Variants in FHIT observed in about 807,000 individuals in gnomAD.
FHIT encodes fragile histidine triad diadenosine triphosphatase, also known as bis(5'-adenosyl)-triphosphatase.
In FHIT, 19 loss-of-function variants were observed where a neutral mutation model predicts 17.9. The ratio of observed to expected loss-of-function variants is 1.06; its 90% CI spans 0.74 to 1.56. The LOEUF (loss-of-function observed/expected upper bound fraction) is 1.56. Among genes scored for constraint, FHIT ranks in the 40% most tolerant of loss-of-function variants. The pLI is 0.00. For synonymous variants in FHIT, 81 were observed against 69.7 expected (o/e 1.16, Z -0.81); for missense variants, 248 against 189.2 (o/e 1.31, Z -1.82).
intron 2 of FHIT, among the ~76,000 whole-genome samples, chr3:61,152,236 GA>G (rs1268458923): frequency 2.6e-5 from 4 of 152,262 alleles, no homozygotes; most frequent in African/African-American, 9.6e-5. Context: ...GATAGAAAAA[GA>G]GGCCAAACCC....
intron 4 of FHIT, among the ~76,000 whole-genome samples, chr3:60,555,962 T>A (rs1428258942): frequency 6.6e-6 from 1 of 152,242 alleles, no homozygotes; most frequent in Non-Finnish European, 1.5e-5. Context: ...CTTTCCTGTG[T>A]GGTCATGCTC....
intron 4 of FHIT, among the ~76,000 whole-genome samples, chr3:60,622,453 G>A (rs72889658): frequency 1.3e-5 from 2 of 152,062 alleles, no homozygotes; most frequent in Non-Finnish European, 2.9e-5. Flanking sequence ...ACTTAAGAGA[G>A]AGAAAGGCAA....
At chr3:60,098,401 T>C (rs1188484653) in intron 5 of FHIT, among the ~76,000 whole-genome samples, 5 of 150,510 alleles carry the variant, frequency 3.3e-5, no homozygotes, top group Non-Finnish European at 5.9e-5. Flanking sequence ...TTTTAATGAT[T>C]GCCATTCTAA....
intron 1 of FHIT, among the ~76,000 whole-genome samples, chr3:61,245,002 C>T (rs1189263185): frequency 7.2e-5 from 11 of 152,212 alleles, no homozygotes; most frequent in African/African-American, 7.2e-5. Flanking sequence ...TTCTCCTCCC[C>T]GACCCCATAA....
intron 5 of FHIT, among the ~76,000 whole-genome samples, chr3:60,311,488 C>T (rs1031284013): frequency 1.3e-5 from 2 of 152,156 alleles, no homozygotes; most frequent in African/African-American, 4.8e-5. Flanking sequence ...TATATGGCTA[C>T]TGTGTTTTTC....
chr3:60,444,695 T>C (rs942770406), intron 5 of FHIT, among the ~76,000 whole-genome samples: 1 of 151,820 alleles, frequency 6.6e-6, no homozygotes, highest in Non-Finnish European at 1.5e-5. Context: ...GGGTCTGTTG[T>C]TGGGTGGGGG....
intron 4 of FHIT, among the ~76,000 whole-genome samples, chr3:60,701,902 AG>A (rs1553702250): frequency 6.6e-6 from 1 of 152,230 alleles, no homozygotes; most frequent in Non-Finnish European, 1.5e-5. Flanking sequence ...GCCTACACCC[AG>A]GAATGAACAA....
intron 7 of FHIT, among the ~76,000 whole-genome samples, chr3:59,999,996 C>A (rs1699665763): frequency 6.6e-6 from 1 of 152,152 alleles, no homozygotes; most frequent in Non-Finnish European, 1.5e-5. Flanking sequence ...TGTCCAGCTT[C>A]TTTCTGTCTC....
chr3:61,213,587 G>C (rs1182031009), intron 1 of FHIT, among the ~76,000 whole-genome samples: 3 of 152,034 alleles, frequency 2.0e-5, no homozygotes, highest in Non-Finnish European at 2.9e-5. Flanking sequence ...GTCAACATTA[G>C]ACAGATCAAC....
intron 5 of FHIT, among the ~76,000 whole-genome samples, chr3:60,138,185 T>C (rs1241898618): frequency 6.6e-6 from 1 of 152,192 alleles, no homozygotes; most frequent in Admixed American, 6.5e-5. Flanking sequence ...ATTCTTAACA[T>C]GACGCAAAGG....
chr3:60,572,070 C>CA (rs113784445), intron 4 of FHIT, among the ~76,000 whole-genome samples: 6,289 of 152,042 alleles, frequency 0.041, 428 homozygotes, highest in African/African-American at 0.14. Context: ...CTTGAAGAAA[C>CA]TTAGAGTCAA....
At chr3:59,975,835 G>A (rs1708384204) in intron 7 of FHIT, among the ~76,000 whole-genome samples, 1 of 151,614 alleles carries the variant, frequency 6.6e-6, no homozygotes. Context: ...AAAGAGTGAG[G>A]TAGGACCTAA....
chr3:60,647,913 T>C (rs2039898892), intron 4 of FHIT, among the ~76,000 whole-genome samples: 1 of 152,180 alleles, frequency 6.6e-6, no homozygotes, highest in South Asian at 2.1e-4. Context: ...GCAAATATTA[T>C]AATCAATGCA....
chr3:60,926,665 A>G (rs1231043257), intron 3 of FHIT, among the ~76,000 whole-genome samples: 1 of 152,118 alleles, frequency 6.6e-6, no homozygotes, highest in Non-Finnish European at 1.5e-5. Context: ...GCAAGAGCAA[A>G]CATTCAAAAG....
At chr3:60,470,058 T>TTCTCTCTCTCTCTCTCTCTCTCTC (rs796525437) in intron 5 of FHIT, among the ~76,000 whole-genome samples, 70 of 143,036 alleles carry the variant, frequency 4.9e-4, no homozygotes, top group African/African-American at 1.6e-3. Flanking sequence ...CTCTCTTTCT[T>TTCTCTCTCTCTCTCTCTCTCTCTC]TCTCTCTCTC....
At chr3:60,916,905 T>A (rs1559826725) in intron 3 of FHIT, among the ~76,000 whole-genome samples, 2 of 152,088 alleles carry the variant, frequency 1.3e-5, no homozygotes, top group Non-Finnish European at 2.9e-5. Context: ...TAGAATCGCA[T>A]AAAAAAATCC....
At chr3:60,296,001 C>T (rs1222685781) in intron 5 of FHIT, among the ~76,000 whole-genome samples, 1 of 152,070 alleles carries the variant, frequency 6.6e-6, no homozygotes, top group Non-Finnish European at 1.5e-5. Flanking sequence ...GAAGAAGTCT[C>T]ACAAGATCTG....
intron 7 of FHIT, among the ~76,000 whole-genome samples, chr3:59,979,185 C>T (rs954454381): frequency 6.6e-6 from 1 of 152,102 alleles, no homozygotes; most frequent in Non-Finnish European, 1.5e-5. Context: ...CCCAGACTTT[C>T]AAATCAGCTC....
intron 3 of FHIT, among the ~76,000 whole-genome samples, chr3:60,867,650 T>G (rs1405477145): frequency 6.6e-6 from 1 of 152,146 alleles, no homozygotes; most frequent in Admixed American, 6.6e-5. Flanking sequence ...CTCTACTTAG[T>G]GGGGCACGAG....
Sources: gnomAD v4.1 joint callset for allele counts (sites outside exome capture counted in the v4.1 genomes callset) on GRCh38, gnomAD v4.1.1 for gene constraint, MANE v1.5 for transcripts, NCBI Gene and HGNC (gene_info 2026-07-23, HGNC 2026-07-21) for gene names.